The following UBE2Z variants were observed in gnomAD, a reference collection of about 807,000 sequenced individuals.
The protein encoded by UBE2Z is ubiquitin-conjugating enzyme E2 Z.
Under a neutral mutation model 32.6 loss-of-function variants are expected in UBE2Z, and 10 were observed. That is an observed-to-expected ratio of 0.31 (90% CI 0.19 to 0.52). The LOEUF is 0.52. Ranked by LOEUF, UBE2Z falls within the 20% of genes least tolerant of loss-of-function variation. The pLI, the probability that UBE2Z is intolerant of heterozygous loss-of-function variation, is 0.97. For missense variants in UBE2Z, 343 were observed against 480.9 expected, an observed-to-expected ratio of 0.71 and a Z score of 2.68; for synonymous variants, 183 against 190.8, an observed-to-expected ratio of 0.96 and a Z score of 0.34.
chr17:48,909,766 T>G (rs1382915083), intron 1 of UBE2Z, among the ~76,000 whole-genome samples: 1 of 152,148 alleles, frequency 6.6e-6, no homozygotes, highest in East Asian at 1.9e-4. Flanking sequence ...GAAACCTGTT[T>G]GACTTCTCCC....
chr17:48,916,336 A>G (rs1017449957), intron 4 of UBE2Z, 149 bp downstream of exon 4: 25 of 451,440 alleles, frequency 5.5e-5, no homozygotes, highest in Non-Finnish European at 6.7e-5. Context: ...GCTTACTGCA[A>G]CCTCCGCCTC....
intron 6 of UBE2Z, among the ~76,000 whole-genome samples, chr17:48,925,997 C>CT (rs1214236730): frequency 5.9e-5 from 9 of 152,166 alleles, no homozygotes; most frequent in East Asian, 1.9e-4. Flanking sequence ...ATTTTAAACT[C>CT]TTTTTTATAC....
Position 48,927,100 on chromosome 17 carries a change from C to T in UBE2Z, c.1031C>T (p.Thr344Ile). 6.2e-7 allele frequency: 1 copy of T among 1,613,916 alleles called. No individual in the cohort carries two copies. Among genetic ancestry groups the T allele is most frequent in the Non-Finnish European group, 8.5e-7 (1 of 1,179,864 alleles). ...EMDSDSSSSGTETDLHGSLRV is the reference protein window; with the variant it reads ...EMDSDSSSSGIETDLHGSLRV Reference sequence around the variant, plus strand: ...GACTCTGATAGCAGTTCATCTGGGACAGAGACAGACCTTCATGGGAGCCTG... The same window carrying T: ...GACTCTGATAGCAGTTCATCTGGGATAGAGACAGACCTTCATGGGAGCCTG... Residue 344 changes from threonine (T) to isoleucine (I), a missense_variant, in exon 7 of 7, where the codon ACA becomes ATA. Thr to Ile is a moderately conservative substitution (Grantham distance 89). This residue lies in a region of UBE2Z where 182 missense variants were observed against 312.4 expected (regional missense o/e 0.58). Coordinates refer to ENST00000360943, the MANE Select transcript of UBE2Z (RefSeq NM_023079.5).
At chr17:48,910,683 C>A (rs532242029) in intron 1 of UBE2Z, 125 bp from the exon 2 acceptor site, 2 of 758,148 alleles carry the variant, frequency 2.6e-6, no homozygotes, top group Admixed American at 1.9e-5. Context: ...CAAACACTTG[C>A]GGTACCAAGC....
chr17:48,928,873 C>T lies in UBE2Z; in HGVS notation c.*1739C>T, dbSNP rs930132323. ...CCCACTTTCAAGTGACAATCCTCTC[C>T]TTGGCCCTGCCATAGGGCAGAGCAT... On this transcript the variant is annotated 3_prime_UTR_variant, in exon 7 of 7. Coordinates refer to ENST00000360943, the MANE Select transcript of UBE2Z (RefSeq NM_023079.5). 4 of 152,708 alleles carry T rather than the reference C, an allele frequency of 2.6e-5. No homozygotes were observed. The highest frequency in any genetic ancestry group is 4.4e-5 in the Non-Finnish European group (3 of 68,074). 9.5% of individuals were successfully genotyped at this position (152,708 alleles called of 1,614,324 possible).
chr17:48,925,801 G>A (rs2040793733), intron 6 of UBE2Z, among the ~76,000 whole-genome samples: 2 of 152,296 alleles, frequency 1.3e-5, no homozygotes, highest in Non-Finnish European at 2.9e-5. Flanking sequence ...TCTCATGAAG[G>A]AGAAGTGCAG....
Position 48,916,258 on chromosome 17 carries a change from G to GTTTTTGTTTT in UBE2Z, c.690+76_690+77insGTTTTTTTTT. 1.7e-5 allele frequency: 7 copies of GTTTTTGTTTT among 415,726 alleles called. No homozygotes were observed. In the East Asian group the frequency reaches 3.3e-4, roughly 19 times the overall value. The allele number at this position is 415,726 out of a possible 1,614,324, so 25.8% of individuals were successfully genotyped here. ...GTTTGTTTGGTTGGTTGGTTTTTTT[G>GTTTTTGTTTT]TTTTTTTTTTTTTTTGAGACAGAGT... On this transcript the variant is annotated intron_variant, in intron 4 of 6. Transcript: ENST00000360943.
rs969838726 is a variant in UBE2Z, at chr17:48,908,609, G to T, written c.106G>T (p.Gly36Trp). 87 of 1,237,950 alleles carry T rather than the reference G, an allele frequency of 7.0e-5. No homozygotes were observed. Among genetic ancestry groups the T allele is most frequent in the Non-Finnish European group, 8.4e-5 (83 of 988,038 alleles). 76.7% of individuals were successfully genotyped at this position (1,237,950 alleles called of 1,614,324 possible). The change falls in exon 1 of 7, where the codon GGG (glycine) becomes TGG (tryptophan). Residue 36 changes from glycine to tryptophan, a missense_variant. Coordinates refer to ENST00000360943, the MANE Select transcript of UBE2Z (RefSeq NM_023079.5). The stretch of plus-strand genomic sequence containing the variant: ...TGTTGGCGTTAGCGGCAGCGGCGGC[G>T]GGTTCGGGCCGCCTTTCCTGCCGGA... ...GVVGVSGSGGGFGPPFLPDVW... is the reference protein window; with the variant it reads ...GVVGVSGSGGWFGPPFLPDVW...
At chr17:48,910,545 T>G in intron 1 of UBE2Z, 1 of 386,772 alleles carries the variant, frequency 2.6e-6, no homozygotes, top group East Asian at 4.0e-5. Context: ...TTTGATGCCA[T>G]TGGGATCTCT....
chr17:48,909,195 A>T (rs1280561082), intron 1 of UBE2Z, among the ~76,000 whole-genome samples: 1 of 33,146 alleles, frequency 3.0e-5, no homozygotes, highest in African/African-American at 1.2e-4. Context: ...CCCCTTCCCC[A>T]CCCCAACCTT....
In UBE2Z at chr17:48,908,467, G is replaced by C; in HGVS notation, c.-37G>C. 1.6e-6 allele frequency: 2 copies of C among 1,228,518 alleles called. No homozygotes were observed. The highest frequency in any genetic ancestry group is 2.0e-6 in the Non-Finnish European group (2 of 985,312). 76.1% of individuals were successfully genotyped at this position (1,228,518 alleles called of 1,614,324 possible). A position where few individuals can be genotyped will look rare whatever the true frequency, so the allele number is the denominator to read the frequency against. ...GGGAGCAGCGGCCGCTCTGGTCGGC[G>C]GACGTGCTGCCGAGTAGTCCCGGAA... On this transcript the variant is annotated 5_prime_UTR_variant, in exon 1 of 7. Transcript: ENST00000360943.
At chr17:48,911,982 A>C (rs552753629) in intron 2 of UBE2Z, 1 of 151,552 alleles carries the variant, frequency 6.6e-6, no homozygotes, top group Non-Finnish European at 1.5e-5. Flanking sequence ...TCCTCCCTTC[A>C]GGGGGGGAAA....
chr17:48,912,975 A>C lies in UBE2Z; in HGVS notation c.532A>C (p.Asn178His). Residue 178 changes from asparagine (N) to histidine (H), a missense_variant, in exon 3 of 7, where the codon AAC (asparagine) becomes CAC (histidine). Around this residue, in one of 4 missense-constraint regions of UBE2Z, gnomAD observed 182 missense variants for 312.4 expected, o/e 0.58. Coordinates refer to ENST00000360943, the MANE Select transcript of UBE2Z (RefSeq NM_023079.5). Reference protein sequence around the residue: ...MTTGNNTVRFNPNFYRNGKVC... With the variant: ...MTTGNNTVRFHPNFYRNGKVC... ...AACGGGCAATAACACAGTGAGGTTT[A>C]ACCCCAACTTCTACCGCAATGGGAA... is the stretch of plus-strand genomic sequence containing the variant. 1 of 1,613,970 alleles carries C rather than the reference A, an allele frequency of 6.2e-7. No individual in the cohort carries two copies. Among genetic ancestry groups the C allele is most frequent in the Non-Finnish European group, 8.5e-7 (1 of 1,179,886 alleles).
At chr17:48,918,762 T>C (rs2040738672) in intron 4 of UBE2Z, among the ~76,000 whole-genome samples, 1 of 150,198 alleles carries the variant, frequency 6.7e-6, no homozygotes, top group African/African-American at 2.4e-5. Context: ...TTTTTTTTTT[T>C]TGGAGGCAGA....
Position 48,921,282 on chromosome 17 carries a change from A to C in UBE2Z, c.803+10A>C. ...GTCCTGAACCCCTACGGTATGTGTCAAGCGGGCTTGCTTGGTATTCCTTTC... is the reference window on the plus strand; with the variant it reads ...GTCCTGAACCCCTACGGTATGTGTCCAGCGGGCTTGCTTGGTATTCCTTTC... On this transcript the variant is annotated intron_variant, in intron 5 of 6. Coordinates refer to ENST00000360943, the MANE Select transcript of UBE2Z (RefSeq NM_023079.5). The C allele has an allele frequency of 6.2e-7, 1 of 1,602,292 alleles. No individual in the cohort carries two copies. Among genetic ancestry groups the C allele is most frequent in the South Asian group, 1.1e-5 (1 of 88,986 alleles).
rs770844442 is a variant in UBE2Z, at chr17:48,922,830, T to C, written c.804-17T>C. 3.2e-5 allele frequency: 52 copies of C among 1,606,162 alleles called. No individual in the cohort carries two copies. Among genetic ancestry groups the C allele is most frequent in the Non-Finnish European group, 3.2e-5 (38 of 1,174,146 alleles). The stretch of plus-strand genomic sequence containing the variant: ...ACCCCTGGGTTTCTCACTTACACTT[T>C]TCTGCTTGTTTTCCAGAGGGGTGAT... On this transcript the variant is annotated splice_polypyrimidine_tract_variant and intron_variant, in intron 5 of 6. Coordinates refer to ENST00000360943, the MANE Select transcript of UBE2Z (RefSeq NM_023079.5).
rs2040807597 is a variant in UBE2Z at position 48,927,816 on chromosome 17, A to G, written c.*682A>G. On this transcript the variant is annotated 3_prime_UTR_variant, in exon 7 of 7. Transcript: ENST00000360943. The stretch of plus-strand genomic sequence containing the variant: ...CTCCCCTCTTTCCTCACCCTTTTCT[A>G]GATGTAAGACAGAAAGTAAATGTGA... 2 of 152,622 alleles carry G rather than the reference A, an allele frequency of 1.3e-5. No individual in the cohort carries two copies. The highest frequency in any genetic ancestry group is 4.8e-5 in the African/African-American group (2 of 41,402). The allele number at this position is 152,622 out of a possible 1,614,324, so 9.5% of individuals were successfully genotyped here.
chr17:48,908,658 C>A lies in UBE2Z; in HGVS notation c.155C>A (p.Ala52Glu). The part of the protein sequence containing the change: ...LPDVWAAAAA[A>E]GGAGGPGSGL... ...GATGTGTGGGCGGCGGCGGCGGCAG[C>A]GGGCGGGGCCGGGGGCCCGGGGAGC... Residue 52 changes from alanine to glutamate, a missense_variant, in exon 1 of 7, where the codon GCG (alanine) becomes GAG (glutamate). Transcript: ENST00000360943. 1 of 1,219,304 alleles carries A rather than the reference C, an allele frequency of 8.2e-7. No homozygotes were observed. The highest frequency in any genetic ancestry group is 1.0e-6 in the Non-Finnish European group (1 of 978,878). 75.5% of individuals were successfully genotyped at this position (1,219,304 alleles called of 1,614,324 possible).
chr17:48,925,304 A>C (rs1024278494), intron 6 of UBE2Z, among the ~76,000 whole-genome samples: 31 of 151,820 alleles, frequency 2.0e-4, no homozygotes, highest in Non-Finnish European at 1.5e-5. Flanking sequence ...AAAAAGAAAG[A>C]AAAAGAAATG....
Sources: gnomAD v4.1 joint callset for allele counts (sites outside exome capture counted in the v4.1 genomes callset) on GRCh38, gnomAD v4.1.1 for gene constraint, gnomAD v4.1.1 regional missense constraint, MANE v1.5 for transcripts, NCBI Gene and HGNC (gene_info 2026-07-23, HGNC 2026-07-21) for gene names.